Variants in ADAMTS17 observed in about 807,000 individuals in gnomAD.
The protein encoded by ADAMTS17 is A disintegrin and metalloproteinase with thrombospondin motifs 17.
A neutral mutation model predicts 141.5 loss-of-function variants in ADAMTS17; 113 were observed. That is an observed-to-expected ratio of 0.80 (90% CI 0.69 to 0.93). The LOEUF (loss-of-function observed/expected upper bound fraction) is 0.93. Among genes scored for constraint, ADAMTS17 ranks in the 40% least tolerant of loss-of-function variants. The pLI, the probability that ADAMTS17 is intolerant of heterozygous loss-of-function variation, is 0.00. For synonymous variants in ADAMTS17, 768 were observed against 630.6 expected (o/e 1.22, Z -3.27); for missense variants, 1,659 against 1,517.9 (o/e 1.09, Z -1.54).
intron 15 of ADAMTS17, among the ~76,000 whole-genome samples, chr15:100,056,779 T>C (rs2032609773): frequency 6.6e-6 from 1 of 151,976 alleles, no homozygotes; most frequent in Non-Finnish European, 1.5e-5. Flanking sequence ...TACCCTGCCA[T>C]TCCCTCAGCC....
chr15:100,340,917 T>G (rs1412597021), intron 2 of ADAMTS17, 122 bp downstream of exon 2: 20 of 1,406,324 alleles, frequency 1.4e-5, no homozygotes, highest in Admixed American at 4.1e-5. Flanking sequence ...AGGCAGGGGG[T>G]TCCCTCCGGT....
At chr15:99,981,569 G>A (rs1212030529) in intron 20 of ADAMTS17, among the ~76,000 whole-genome samples, 1 of 152,208 alleles carries the variant, frequency 6.6e-6, no homozygotes, top group Non-Finnish European at 1.5e-5. Flanking sequence ...AGCTGTGTCT[G>A]GGCCAGCCCC....
chr15:100,087,833 G>A (rs945535251), intron 15 of ADAMTS17, among the ~76,000 whole-genome samples: 15 of 152,214 alleles, frequency 9.9e-5, no homozygotes, highest in East Asian at 1.9e-4. Flanking sequence ...TTGATGGGAC[G>A]TATCTCAAAA....
chr15:99,975,108 T>C (rs2060294059), intron 21 of ADAMTS17, among the ~76,000 whole-genome samples: 1 of 152,222 alleles, frequency 6.6e-6, no homozygotes, highest in African/African-American at 2.4e-5. Flanking sequence ...ACAAAGATAC[T>C]AGAAATCCCC....
intron 18 of ADAMTS17, among the ~76,000 whole-genome samples, chr15:100,016,151 T>C (rs1256156273): frequency 6.6e-6 from 1 of 152,260 alleles, no homozygotes; most frequent in Non-Finnish European, 1.5e-5. Flanking sequence ...TTCAATCCTA[T>C]TGCTGAGACT....
chr15:100,301,529 G>A (rs554165574), intron 3 of ADAMTS17, among the ~76,000 whole-genome samples: 1 of 150,502 alleles, frequency 6.6e-6, no homozygotes, highest in Non-Finnish European at 1.5e-5. Flanking sequence ...AGTAGAGACG[G>A]GGTTTCACTG....
intron 15 of ADAMTS17, among the ~76,000 whole-genome samples, chr15:100,076,188 G>A (rs774018165): frequency 3.3e-5 from 5 of 152,008 alleles, no homozygotes; most frequent in Admixed American, 6.6e-5. Flanking sequence ...GATTACAGGC[G>A]CCCACCACCA....
At chr15:100,287,939 G>A (rs1259709987) in intron 3 of ADAMTS17, among the ~76,000 whole-genome samples, 3 of 152,146 alleles carry the variant, frequency 2.0e-5, no homozygotes, top group Non-Finnish European at 4.4e-5. Flanking sequence ...ACACTATAAA[G>A]CAACTACACA....
chr15:100,186,235 G>A (rs778490047), intron 8 of ADAMTS17, among the ~76,000 whole-genome samples: 7 of 152,142 alleles, frequency 4.6e-5, no homozygotes, highest in Non-Finnish European at 8.8e-5. Flanking sequence ...AGACTTAGCC[G>A]ATGTTAAATG....
chr15:100,341,780 G>C lies in ADAMTS17; in HGVS notation c.79+41C>G, dbSNP rs1404746776. ...GCGAGAACGCAGAGGGAAGGTAGCC[G>C]CAGGACGCGGGGTGAAGAGGGCTGT... On this transcript the variant is annotated intron_variant, in intron 1 of 21. Coordinates refer to ENST00000268070, the MANE Select transcript of ADAMTS17 (RefSeq NM_139057.4). 8.4e-6 allele frequency: 13 copies of C among 1,541,284 alleles called. No homozygotes were observed. In the East Asian group the frequency reaches 3.3e-4, roughly 39 times the overall value.
chr15:100,313,795 C>T (rs1010337512), intron 3 of ADAMTS17, among the ~76,000 whole-genome samples: 1 of 138,822 alleles, frequency 7.2e-6, no homozygotes. Flanking sequence ...GACAAAACCA[C>T]CCCAAACGTC....
At chr15:100,177,070 T>C (rs892979407) in intron 8 of ADAMTS17, among the ~76,000 whole-genome samples, 1 of 152,242 alleles carries the variant, frequency 6.6e-6, no homozygotes, top group Non-Finnish European at 1.5e-5. Context: ...AGAGTTGTTA[T>C]GAATATTCAT....
chr15:100,068,200 G>A (rs936224696), intron 15 of ADAMTS17, among the ~76,000 whole-genome samples: 3 of 152,158 alleles, frequency 2.0e-5, no homozygotes, highest in African/African-American at 4.8e-5. Context: ...CAGTGAGGCT[G>A]GGGGAGGGGC....
chr15:100,138,346 G>A (rs2038445009), intron 10 of ADAMTS17, among the ~76,000 whole-genome samples: 1 of 152,120 alleles, frequency 6.6e-6, no homozygotes, highest in African/African-American at 2.4e-5. Context: ...AACTGTCAAG[G>A]TGTTTAGGTA....
At chr15:100,230,236 C>T (rs2042436200) in intron 7 of ADAMTS17, among the ~76,000 whole-genome samples, 1 of 152,240 alleles carries the variant, frequency 6.6e-6, no homozygotes, top group South Asian at 2.1e-4. Flanking sequence ...TGCACGAAAG[C>T]CACACTTGCA....
chr15:100,006,065 C>G (rs568595033), intron 18 of ADAMTS17, among the ~76,000 whole-genome samples: 2 of 152,150 alleles, frequency 1.3e-5, no homozygotes, highest in Admixed American at 6.5e-5. Context: ...AGATCAGGGC[C>G]CAACCCTACT....
chr15:100,267,965 A>G (rs1567458937), intron 4 of ADAMTS17, among the ~76,000 whole-genome samples: 1 of 152,170 alleles, frequency 6.6e-6, no homozygotes, highest in Non-Finnish European at 1.5e-5. Context: ...TAACTTATCC[A>G]TTTTTGTAAC....
At chr15:100,315,195 G>A (rs377064448) in intron 3 of ADAMTS17, among the ~76,000 whole-genome samples, 10 of 152,318 alleles carry the variant, frequency 6.6e-5, no homozygotes, top group South Asian at 4.1e-4. Flanking sequence ...CGGGACCTTC[G>A]TCCTCTGCCC....
intron 14 of ADAMTS17, among the ~76,000 whole-genome samples, chr15:100,105,003 G>A (rs1298183999): frequency 1.3e-5 from 2 of 152,246 alleles, no homozygotes; most frequent in African/African-American, 2.4e-5. Flanking sequence ...GTGGGCTGAG[G>A]TTAACCTTTA....
Sources: gnomAD v4.1 joint callset for allele counts (sites outside exome capture counted in the v4.1 genomes callset) on GRCh38, gnomAD v4.1.1 for gene constraint, MANE v1.5 for transcripts, NCBI Gene and HGNC (gene_info 2026-07-23, HGNC 2026-07-21) for gene names.